The following SYNPR variants were observed in gnomAD, a reference collection of about 807,000 sequenced individuals.
The protein encoded by SYNPR is synaptoporin.
In SYNPR, 23 loss-of-function variants were observed where a neutral mutation model predicts 32.9. That is an observed-to-expected ratio of 0.70 (90% confidence interval 0.50 to 0.99). SYNPR has a LOEUF of 0.99. SYNPR is among the 50% of genes least tolerant of loss of function. The probability of loss-of-function intolerance (pLI) is 0.00; values close to 1 mark genes in which losing one functional copy is unlikely to be tolerated. For missense variants in SYNPR, 318 were observed against 349.3 expected (o/e 0.91, Z 0.71); for synonymous variants, 146 against 135.9 (o/e 1.07, Z -0.52).
intron 2 of SYNPR, among the ~76,000 whole-genome samples, chr3:63,427,992 GT>G (rs1193999906): frequency 6.6e-6 from 1 of 152,010 alleles, no homozygotes; most frequent in African/African-American, 2.4e-5. Flanking sequence ...CTAAGCACTA[GT>G]TTTTTTTAAA....
chr3:63,335,283 GC>G (rs1229297094), intron 2 of SYNPR, among the ~76,000 whole-genome samples: 3 of 151,010 alleles, frequency 2.0e-5, no homozygotes, highest in Non-Finnish European at 4.4e-5. Context: ...AACCCGGGAG[GC>G]GGAGCTTGCA....
chr3:63,569,158 A>G lies in SYNPR; in HGVS notation c.408+12417A>G, dbSNP rs1264730130. Among the ~76,000 whole-genome samples, 5 of 152,292 alleles carry G rather than the reference A, an allele frequency of 3.3e-5. No individual in the cohort carries two copies. In the East Asian group the frequency reaches 5.8e-4, roughly 18 times the overall value. On this transcript the variant is annotated intron_variant, in intron 4 of 5. Coordinates refer to ENST00000478300, the MANE Select transcript of SYNPR (RefSeq NM_001130003.2). ...ATTCCATTATATTGAGATAAAATGA[A>G]TTATTTCACCAATCTCTTATTGTTG...
intron 3 of SYNPR, among the ~76,000 whole-genome samples, chr3:63,496,556 T>C (rs1478931012): frequency 1.3e-5 from 2 of 152,202 alleles, no homozygotes; most frequent in Admixed American, 6.5e-5. Flanking sequence ...TAAATTTTTA[T>C]AGATTTTGCC....
At chr3:63,234,290 C>A (rs1410787195) in intron 1 of SYNPR, among the ~76,000 whole-genome samples, 6 of 152,130 alleles carry the variant, frequency 3.9e-5, no homozygotes, top group Non-Finnish European at 8.8e-5. Context: ...AAGACTTGCT[C>A]ACATGATTCA....
chr3:63,481,093 C>A (rs958023848), intron 3 of SYNPR, 137 bp downstream of exon 3: 3 of 1,191,054 alleles, frequency 2.5e-6, no homozygotes, highest in Non-Finnish European at 3.4e-6. Flanking sequence ...ACGGAATGCC[C>A]AAACACAGTG....
rs758457634 is a variant in SYNPR, at chr3:63,480,947, A to G, written c.200A>G (p.Tyr67Cys). Residue 67 changes from tyrosine (Y) to cysteine (C), a missense_variant, in exon 3 of 6, where the codon TAC becomes TGC. Physicochemically the swap from Tyr to Cys is radical, Grantham distance 194. Transcript: ENST00000478300. ...SNLSIDIAFA[Y>C]PFRLHQVTFE... ...CTCAGCATCGACATAGCGTTTGCCT[A>G]CCCATTCAGGTAGGGAATGGTGGTT... The G allele has an allele frequency of 1.5e-4, 236 of 1,612,010 alleles. No homozygotes were observed. Among genetic ancestry groups the G allele is most frequent in the Non-Finnish European group, 2.0e-4 (231 of 1,178,734 alleles).
chr3:63,488,080 A>C (rs958376031), intron 3 of SYNPR, among the ~76,000 whole-genome samples: 1 of 152,174 alleles, frequency 6.6e-6, no homozygotes, highest in Non-Finnish European at 1.5e-5. Context: ...TGCCAGGCAG[A>C]AAGAATTTTG....
chr3:63,519,603 CAGAGTTCCCATTGCCACTGA>C (rs1407092952), intron 3 of SYNPR, among the ~76,000 whole-genome samples: 8 of 152,202 alleles, frequency 5.3e-5, no homozygotes, highest in Non-Finnish European at 1.2e-4. Flanking sequence ...TCAAGGTTGG[CAGAGTTCCCATTGCCACTGA>C]ATCACACTTG....
Position 63,615,433 on chromosome 3 carries a change from G to T in SYNPR, c.810G>T (p.Glu270Asp), listed in dbSNP as rs1343284853. ...CGAGTTTGGGGCCAACCTCAGATGA[G>T]TTTGGCCAACAGCCTACTGGCCCCA... ...QQASLGPTSD[E>D]FGQQPTGPTS... The change falls in exon 6 of 6, where the codon GAG (glutamate) becomes GAT (aspartate). Residue 270 changes from glutamate to aspartate, a missense_variant. Coordinates refer to ENST00000478300, the MANE Select transcript of SYNPR (RefSeq NM_001130003.2). 1 of 1,613,980 alleles carries T rather than the reference G, an allele frequency of 6.2e-7. No individual in the cohort carries two copies. Among genetic ancestry groups the T allele is most frequent in the Non-Finnish European group, 8.5e-7 (1 of 1,179,888 alleles).
chr3:63,283,438 C>T (rs1165949612), intron 2 of SYNPR, among the ~76,000 whole-genome samples: 8 of 152,094 alleles, frequency 5.3e-5, no homozygotes, highest in South Asian at 2.1e-4. Flanking sequence ...TAGGTCAAAA[C>T]GGAAAAGTCG....
chr3:63,278,329 CTTCCCCGACGCGCTGGG>C lies in SYNPR; in HGVS notation c.-199_-183del. 1.6e-6 allele frequency: 1 copy of C among 628,744 alleles called. No individual in the cohort carries two copies. Among genetic ancestry groups the C allele is most frequent in the Non-Finnish European group, 2.7e-6 (1 of 364,586 alleles). The allele number at this position is 628,744 out of a possible 1,614,324, so 38.9% of individuals were successfully genotyped here. On this transcript the variant is annotated 5_prime_UTR_variant, in exon 1 of 6. Transcript: ENST00000478300. ...GCCCACCCCTCGCTGACTCGCTTCGCTTCCCCGACGCGCTGGGTTCCCGGAGCGCAGAGCCCAGCGTT... is the reference window on the plus strand; with the variant it reads ...GCCCACCCCTCGCTGACTCGCTTCGCTTCCCGGAGCGCAGAGCCCAGCGTT...
intron 2 of SYNPR, among the ~76,000 whole-genome samples, chr3:63,458,128 A>T (rs1700519035): frequency 6.6e-6 from 1 of 152,126 alleles, no homozygotes; most frequent in African/African-American, 2.4e-5. Context: ...GTTGCATTTA[A>T]TAAAGTCTCA....
chr3:63,310,638 G>A (rs932693662), intron 2 of SYNPR, among the ~76,000 whole-genome samples: 4 of 151,940 alleles, frequency 2.6e-5, no homozygotes, highest in African/African-American at 9.7e-5. Flanking sequence ...CTTGCTCCAA[G>A]GCCTCAGAAA....
chr3:63,556,202 G>T (rs1416782982), intron 3 of SYNPR, among the ~76,000 whole-genome samples: 5 of 152,160 alleles, frequency 3.3e-5, no homozygotes, highest in Non-Finnish European at 5.9e-5. Flanking sequence ...CCAAGGTAAG[G>T]CCTGGCGAGC....
At chr3:63,604,448 G>A (rs1488150803) in intron 4 of SYNPR, among the ~76,000 whole-genome samples, 1 of 152,042 alleles carries the variant, frequency 6.6e-6, no homozygotes, top group African/African-American at 2.4e-5. Flanking sequence ...TTGTTAATTT[G>A]AGATCTTTGT....
intron 3 of SYNPR, among the ~76,000 whole-genome samples, chr3:63,481,474 T>G (rs1701047185): frequency 6.6e-6 from 1 of 151,880 alleles, no homozygotes; most frequent in African/African-American, 2.4e-5. Context: ...TGTGTGTGTA[T>G]ACATATAAAG....
chr3:63,240,709 C>A (rs1484077873), intron 1 of SYNPR, among the ~76,000 whole-genome samples: 1 of 152,134 alleles, frequency 6.6e-6, no homozygotes, highest in Non-Finnish European at 1.5e-5. Flanking sequence ...GGGCCATGAC[C>A]TGCACTGTGC....
chr3:63,258,417 TCACTCAAAAC>T (rs893080936), intron 2 of SYNPR, among the ~76,000 whole-genome samples: 2 of 152,154 alleles, frequency 1.3e-5, no homozygotes, highest in African/African-American at 4.8e-5. Flanking sequence ...ATTAAGAAAC[TCACTCAAAAC>T]CACTCAACTA....
chr3:63,372,564 C>T (rs1433217353), intron 2 of SYNPR, among the ~76,000 whole-genome samples: 2 of 152,136 alleles, frequency 1.3e-5, no homozygotes, highest in Non-Finnish European at 2.9e-5. Flanking sequence ...TCACTGGTCA[C>T]AAGGCACAGC....
Sources: allele counts gnomAD v4.1 joint callset (sites outside exome capture counted in the v4.1 genomes callset), GRCh38; gene constraint gnomAD v4.1.1; transcripts MANE v1.5; gene names NCBI Gene and HGNC (gene_info 2026-07-23, HGNC 2026-07-21).